Variants in CFAP251 observed in about 807,000 individuals in gnomAD.
The protein encoded by CFAP251 is cilia- and flagella-associated protein 251.
In CFAP251, 93 loss-of-function variants were observed where a neutral mutation model predicts 126.7. The ratio of observed to expected loss-of-function variants is 0.73; its 90% confidence interval spans 0.62 to 0.87. CFAP251 has a LOEUF of 0.87. Among genes scored for constraint, CFAP251 ranks in the 40% least tolerant of loss-of-function variants. The probability of loss-of-function intolerance (pLI) is 0.00; values close to 1 mark genes in which losing one functional copy is unlikely to be tolerated. For synonymous variants in CFAP251, 503 were observed against 506.9 expected (o/e 0.99, Z 0.10); for missense variants, 1,287 against 1,389.2 (o/e 0.93, Z 1.17).
At position 121,968,139 on chromosome 12, in the gene CFAP251, G is replaced by A. The variant is rs750009375; in HGVS notation, c.2741G>A (p.Arg914His). 32 of 1,610,050 alleles carry A rather than the reference G, an allele frequency of 2.0e-5. No homozygotes were observed. Among genetic ancestry groups the A allele is most frequent in the East Asian group, 2.2e-5 (1 of 44,734 alleles). ...CYAFTAGGHD[R>H]SVVQWKITLS... ...GCCTTCACTGCGGGAGGGCACGATC[G>A]CTCGGTGGTGCAGTGGAAAATCACC... The change falls in exon 17 of 22, where the codon CGC (arginine) becomes CAC (histidine). Residue 914 changes from arginine to histidine, a missense_variant. Arg to His is a conservative substitution (Grantham distance 29). Coordinates refer to ENST00000288912, the MANE Select transcript of CFAP251 (RefSeq NM_144668.6).
chr12:121,963,185 A>C (rs950517534), intron 15 of CFAP251, among the ~76,000 whole-genome samples: 1 of 152,176 alleles, frequency 6.6e-6, no homozygotes, highest in Non-Finnish European at 1.5e-5. Flanking sequence ...CTTGGCCCTG[A>C]GGGCAGAAAA....
intron 17 of CFAP251, among the ~76,000 whole-genome samples, chr12:121,972,480 GGTAGA>G (rs886337532): frequency 1.3e-5 from 2 of 151,738 alleles, no homozygotes; most frequent in Non-Finnish European, 2.9e-5. Context: ...TAAGATATCT[GGTAGA>G]GTAATTTTTT....
At chr12:121,980,962 C>T (rs1882605732) in intron 19 of CFAP251, among the ~76,000 whole-genome samples, 2 of 152,148 alleles carry the variant, frequency 1.3e-5, no homozygotes, top group Non-Finnish European at 2.9e-5. Flanking sequence ...GAGCAGGCTG[C>T]GCTCTCGTAG....
chr12:121,983,158 C>G lies in CFAP251; in HGVS notation c.3006+7473C>G, dbSNP rs561607560. Among the ~76,000 whole-genome samples, 6 of 152,218 alleles carry G rather than the reference C, an allele frequency of 3.9e-5. No individual in the cohort carries two copies. In the East Asian group the frequency reaches 1.2e-3, roughly 29 times the overall value. On this transcript the variant is annotated intron_variant, in intron 19 of 21. Transcript: ENST00000288912. The stretch of plus-strand genomic sequence containing the variant: ...GGGAAGGATCGAAGGATCGCTTGCG[C>G]ACAGGAGATCAAGACTGTAGTGAGC...
At chr12:121,996,110 T>A (rs1356068986) in intron 19 of CFAP251, among the ~76,000 whole-genome samples, 1 of 152,208 alleles carries the variant, frequency 6.6e-6, no homozygotes, top group Non-Finnish European at 1.5e-5. Flanking sequence ...GAATTTTTGT[T>A]CCACATTTTT....
chr12:121,996,528 C>T (rs2135817147), intron 19 of CFAP251, among the ~76,000 whole-genome samples: 1 of 152,304 alleles, frequency 6.6e-6, no homozygotes, highest in African/African-American at 2.4e-5. Context: ...TTGCCAGTGA[C>T]ATAAGGCGTC....
intron 19 of CFAP251, among the ~76,000 whole-genome samples, chr12:121,980,007 C>G (rs1473229983): frequency 6.6e-6 from 1 of 152,224 alleles, no homozygotes; most frequent in Non-Finnish European, 1.5e-5. Flanking sequence ...AAGGGTCTCT[C>G]TCTTTAGGCC....
At chr12:121,990,682 T>G (rs182448787) in intron 19 of CFAP251, among the ~76,000 whole-genome samples, 1 of 152,206 alleles carries the variant, frequency 6.6e-6, no homozygotes, top group Non-Finnish European at 1.5e-5. Flanking sequence ...AGAGCCACGG[T>G]AGCCAACCTT....
chr12:121,994,139 T>G, intron 19 of CFAP251, among the ~76,000 whole-genome samples: 1 of 79,518 alleles, frequency 1.3e-5, no homozygotes, highest in South Asian at 7.1e-4. Context: ...AGCCGCCCCG[T>G]CCGGGAGGGA....
chr12:121,990,663 G>C (rs1284854249), intron 19 of CFAP251, among the ~76,000 whole-genome samples: 1 of 152,184 alleles, frequency 6.6e-6, no homozygotes, highest in Non-Finnish European at 1.5e-5. Flanking sequence ...TCTTGGCACT[G>C]AATCTTCTAG....
intron 19 of CFAP251, among the ~76,000 whole-genome samples, chr12:121,978,269 C>T (rs1470416549): frequency 1.3e-5 from 2 of 150,562 alleles, no homozygotes; most frequent in Non-Finnish European, 1.5e-5. Flanking sequence ...TGGCGGGTGC[C>T]TATAGTCCCA....
intron 2 of CFAP251, among the ~76,000 whole-genome samples, chr12:121,923,311 C>T (rs1412146726): frequency 6.6e-6 from 1 of 152,142 alleles, no homozygotes; most frequent in Non-Finnish European, 1.5e-5. Context: ...GCATGTACCA[C>T]CACGCCCAGC....
At chr12:121,945,239 C>T (rs1022959933) in intron 7 of CFAP251, among the ~76,000 whole-genome samples, 8 of 152,206 alleles carry the variant, frequency 5.3e-5, no homozygotes, top group Admixed American at 5.2e-4. Flanking sequence ...CATTATCTGG[C>T]CCGCTGGTCT....
chr12:121,922,315 G>A (rs1372485577), intron 2 of CFAP251, among the ~76,000 whole-genome samples: 1 of 151,750 alleles, frequency 6.6e-6, no homozygotes, highest in East Asian at 1.9e-4. Context: ...CACTTATGTT[G>A]GCCAGGCTGG....
At position 121,967,026 on chromosome 12, in the gene CFAP251, C is replaced by A. The variant is rs752215818; in HGVS notation, c.2564C>A (p.Ala855Glu). ...QTQVLPVRSM[A>E]ELQKRYLVFI... ...CAAGTCCTCCCAGTGAGAAGCATGG[C>A]GGAGCTACAGAAACGCTACTTGGTG... Residue 855 changes from alanine to glutamate, a missense_variant, in exon 16 of 22, where the codon GCG becomes GAG. Transcript: ENST00000288912. The A allele has an allele frequency of 6.2e-7, 1 of 1,614,212 alleles. No individual in the cohort carries two copies. Among genetic ancestry groups the A allele is most frequent in the Non-Finnish European group, 8.5e-7 (1 of 1,180,024 alleles).
In CFAP251 at chr12:121,934,375, C is replaced by A. The variant is rs1880809822; in HGVS notation, c.998+19C>A. The A allele has an allele frequency of 1.3e-6, 2 of 1,578,550 alleles. No individual in the cohort carries two copies. Among genetic ancestry groups the A allele is most frequent in the Admixed American group, 3.4e-5 (2 of 59,274 alleles). Reference sequence around the variant, plus strand: ...TCACAGGGTAGGCTTTGTGTAGCCACTTCTTTTTTCCCTGAATTTCTGTAG... The same window carrying A: ...TCACAGGGTAGGCTTTGTGTAGCCAATTCTTTTTTCCCTGAATTTCTGTAG... On this transcript the variant is annotated intron_variant, in intron 5 of 21. Coordinates refer to ENST00000288912, the MANE Select transcript of CFAP251 (RefSeq NM_144668.6).
chr12:121,960,650 C>T lies in CFAP251; in HGVS notation c.2199C>T (p.Tyr733=). 6.2e-7 allele frequency: 1 copy of T among 1,614,168 alleles called. No homozygotes were observed. Among genetic ancestry groups the T allele is most frequent in the Admixed American group, 1.7e-5 (1 of 60,020 alleles). ...GAAATGGACAGAGGGTCTGGGAGTACTTAGCAAGACTTCGCTCTCATCGCA... is the reference window on the plus strand; with the variant it reads ...GAAATGGACAGAGGGTCTGGGAGTATTTAGCAAGACTTCGCTCTCATCGCA... ...VVRNGQRVWE[Y]LARLRSHRKS... is the part of the protein sequence containing the mutation. Residue 733 remains tyrosine, a synonymous_variant, in exon 14 of 22, where the codon TAC becomes TAT. Transcript: ENST00000288912.
chr12:121,976,091 C>A (rs1440274323), intron 19 of CFAP251, among the ~76,000 whole-genome samples: 1 of 151,818 alleles, frequency 6.6e-6, no homozygotes, highest in African/African-American at 2.4e-5. Context: ...TCACTGCAAC[C>A]TCCACCTCCT....
intron 5 of CFAP251, among the ~76,000 whole-genome samples, chr12:121,935,087 C>A (rs1326008191): frequency 6.6e-6 from 1 of 152,132 alleles, no homozygotes; most frequent in African/African-American, 2.4e-5. Context: ...TAGGCATGAG[C>A]CACCTTGCCT....
Sources: gnomAD v4.1 joint callset for allele counts (sites outside exome capture counted in the v4.1 genomes callset) on GRCh38, gnomAD v4.1.1 for gene constraint, MANE v1.5 for transcripts, NCBI Gene and HGNC (gene_info 2026-07-23, HGNC 2026-07-21) for gene names.